PDE10A: variants seen among roughly 807,000 people sequenced by gnomAD.
PDE10A encodes the protein cAMP and cAMP-inhibited cGMP 3',5'-cyclic phosphodiesterase 10A.
In PDE10A, 39 loss-of-function variants were observed where a neutral mutation model predicts 97.7. The ratio of observed to expected loss-of-function variants is 0.40; its 90% CI spans 0.31 to 0.52. PDE10A has a LOEUF of 0.52. PDE10A is among the 20% of genes least tolerant of loss of function. PDE10A has a pLI of 0.56. For missense variants in PDE10A, 731 were observed against 1,047.8 expected (o/e 0.70, Z 4.17); for synonymous variants, 371 against 376.8 (o/e 0.98, Z 0.18).
chr6:165,758,521 A>AGAGGAAGAG (rs1298389732), intron 1 of PDE10A, among the ~76,000 whole-genome samples: 1 of 150,650 alleles, frequency 6.6e-6, no homozygotes, highest in South Asian at 2.1e-4. Context: ...AAGAAGAAGA[A>AGAGGAAGAG]GAAGAAGAAG....
chr6:165,618,370 G>A (rs1279316856), intron 1 of PDE10A, among the ~76,000 whole-genome samples: 2 of 152,160 alleles, frequency 1.3e-5, no homozygotes, highest in African/African-American at 4.8e-5. Context: ...GCCTGATGCT[G>A]TATCATACCC....
chr6:165,981,612 C>G (rs1307685537), intron 1 of PDE10A, among the ~76,000 whole-genome samples: 3 of 152,166 alleles, frequency 2.0e-5, no homozygotes, highest in African/African-American at 7.2e-5. Context: ...CCTCAAAGTC[C>G]CCTCCTTCAC....
intron 1 of PDE10A, among the ~76,000 whole-genome samples, chr6:165,798,988 G>A (rs1214918170): frequency 2.6e-5 from 4 of 152,180 alleles, no homozygotes; most frequent in Non-Finnish European, 4.4e-5. Context: ...GATTATAGGC[G>A]TGAGTCACTG....
chr6:165,685,817 C>T (rs6937608), intron 1 of PDE10A, among the ~76,000 whole-genome samples: 5,111 of 151,976 alleles, frequency 0.034, 269 homozygotes, highest in African/African-American at 0.11. Context: ...GGCAAAGCAC[C>T]GAAGGTCACA....
intron 1 of PDE10A, among the ~76,000 whole-genome samples, chr6:165,935,082 G>A (rs1783279343): frequency 6.6e-6 from 1 of 152,174 alleles, no homozygotes; most frequent in African/African-American, 2.4e-5. Context: ...GTCTAGTGCT[G>A]GGTATAGATT....
rs71026686 is a variant in PDE10A at position 165,397,702 on chromosome 6, CAAAAAAA to C, written c.2077-1250_2077-1244del. Among the ~76,000 whole-genome samples, 290 of 88,392 alleles carry C rather than the reference CAAAAAAA, an allele frequency of 3.3e-3. 3 individuals carry two copies. The highest frequency in any genetic ancestry group is 2.6e-3 in the Non-Finnish European group (120 of 46,408). The allele number at this position is 88,392 out of a possible 152,430, so 58.0% of individuals were successfully genotyped here. On this transcript the variant is annotated intron_variant, in intron 13 of 21. Coordinates refer to ENST00000539869, the MANE Select transcript of PDE10A (RefSeq NM_001385079.1). ...GGGCGACAACGGTGAAACTCCATCT[CAAAAAAA>C]AAAAAAAAAAAAAAGAATGAAGCTA...
chr6:165,493,758 G>A (rs1221607966), intron 2 of PDE10A, among the ~76,000 whole-genome samples: 1 of 152,054 alleles, frequency 6.6e-6, no homozygotes, highest in Non-Finnish European at 1.5e-5. Flanking sequence ...CTAGACACTG[G>A]CTTAGGCAAA....
At chr6:165,513,148 T>C (rs1781595261) in intron 2 of PDE10A, among the ~76,000 whole-genome samples, 2 of 152,058 alleles carry the variant, frequency 1.3e-5, no homozygotes, top group African/African-American at 4.8e-5. Flanking sequence ...ACCATACTTT[T>C]TTCTAAGAAA....
chr6:165,379,283 G>A lies in PDE10A; in HGVS notation c.2694C>T (p.Ala898=), dbSNP rs1784795545. 6.2e-7 allele frequency: 1 copy of A among 1,613,408 alleles called. No individual in the cohort carries two copies. The highest frequency in any genetic ancestry group is 1.1e-5 in the South Asian group (1 of 91,072). ...VLEIIRKAII[A]TDLALYFGNR... ...TTCCAAAGTATAAAGCAAGGTCTGT[G>A]GCAATGATGGCTTTGCGGATGATCT... The change falls in exon 18 of 22, where the codon GCC becomes GCT. Residue 898 remains alanine (A), a synonymous_variant. Coordinates refer to ENST00000539869, the MANE Select transcript of PDE10A (RefSeq NM_001385079.1).
intron 1 of PDE10A, among the ~76,000 whole-genome samples, chr6:165,843,155 T>C (rs1400741991): frequency 6.6e-6 from 1 of 152,196 alleles, no homozygotes; most frequent in African/African-American, 2.4e-5. Flanking sequence ...GAAGACCAGG[T>C]CCCAGGTCCC....
chr6:165,893,184 A>G (rs941131476), intron 1 of PDE10A, among the ~76,000 whole-genome samples: 26 of 152,386 alleles, frequency 1.7e-4, no homozygotes, highest in African/African-American at 6.3e-4. Context: ...GAAATAATAC[A>G]TAACCACAGC....
rs1432953690 is a variant in PDE10A at position 165,710,111 on chromosome 6, G to T, written c.-614-166543C>A. Among the ~76,000 whole-genome samples, 3 of 151,980 alleles carry T rather than the reference G, an allele frequency of 2.0e-5. No homozygotes were observed. The East Asian group carries it at 5.8e-4, about 30-fold the overall frequency. On this transcript the variant is annotated intron_variant, in intron 1 of 19. Coordinates refer to the PDE10A transcript ENST00000366882. ...ACTGGACGCTCACTCGAATCTTCAC[G>T]TGCAGGCTCCTATTTCTAACAGCGC...
At chr6:165,912,236 C>T (rs910338677) in intron 1 of PDE10A, among the ~76,000 whole-genome samples, 4 of 152,100 alleles carry the variant, frequency 2.6e-5, no homozygotes, top group East Asian at 1.9e-4. Flanking sequence ...CACACACACA[C>T]GTATATGTAT....
rs1299625377 is a variant in PDE10A at position 165,951,981 on chromosome 6, T to A, written c.-615+35548A>T. Among the ~76,000 whole-genome samples the A allele has an allele frequency of 3.9e-5, 6 of 152,388 alleles. No homozygotes were observed. The East Asian group carries it at 7.7e-4, about 20-fold the overall frequency. ...TAGTTGACATTCATCATGAATTTAC[T>A]ATGCCAGGGGAGGTAAGTACTTTCC... On this transcript the variant is annotated intron_variant, in intron 1 of 19. Transcript: ENST00000366882.
intron 13 of PDE10A, among the ~76,000 whole-genome samples, chr6:165,403,159 G>A (rs766124925): frequency 1.3e-5 from 2 of 152,170 alleles, no homozygotes; most frequent in African/African-American, 2.4e-5. Context: ...AAAAGCACTG[G>A]CCAGTGACTG....
At chr6:165,358,637 A>G (rs905266844) in intron 18 of PDE10A, among the ~76,000 whole-genome samples, 1 of 151,786 alleles carries the variant, frequency 6.6e-6, no homozygotes, top group East Asian at 2.0e-4. Flanking sequence ...TGGTCTGATC[A>G]TTTCTGGCTA....
chr6:165,734,490 T>C (rs1009481570), intron 1 of PDE10A, among the ~76,000 whole-genome samples: 155 of 151,746 alleles, frequency 1.0e-3, no homozygotes, highest in African/African-American at 3.3e-3. Context: ...TAGAAAAGGA[T>C]CCAAAACCAT....
intron 1 of PDE10A, among the ~76,000 whole-genome samples, chr6:165,708,073 C>T (rs575368438): frequency 6.6e-6 from 1 of 152,312 alleles, no homozygotes; most frequent in South Asian, 2.1e-4. Flanking sequence ...TTTCTCTGTT[C>T]TTTAAAACAG....
chr6:165,829,755 C>T (rs1355519614), intron 1 of PDE10A, among the ~76,000 whole-genome samples: 1 of 152,204 alleles, frequency 6.6e-6, no homozygotes, highest in Non-Finnish European at 1.5e-5. Flanking sequence ...GACCTGAGCC[C>T]TCTCCTGCTG....
Sources: gnomAD v4.1 joint callset for allele counts (sites outside exome capture counted in the v4.1 genomes callset) on GRCh38, gnomAD v4.1.1 for gene constraint, MANE v1.5 for transcripts, NCBI Gene and HGNC (gene_info 2026-07-23, HGNC 2026-07-21) for gene names.